CDK12: variants seen among roughly 807,000 people sequenced by gnomAD.
CDK12 encodes cyclin dependent kinase 12, also known as cyclin-dependent kinase 12.
A neutral mutation model predicts 133.8 loss-of-function variants in CDK12; 17 were observed. The ratio of observed to expected loss-of-function variants is 0.13; its 90% CI spans 0.09 to 0.19. The LOEUF (loss-of-function observed/expected upper bound fraction) is 0.19. Among genes scored for constraint, CDK12 ranks in the 10% least tolerant of loss-of-function variants. The pLI is 1.00. For missense variants in CDK12, 1,508 were observed against 1,818.7 expected (o/e 0.83, Z 3.11); for synonymous variants, 694 against 683.6 (o/e 1.02, Z -0.24).
At chr17:39,486,749 C>T (rs2051163604) in intron 2 of CDK12, among the ~76,000 whole-genome samples, 1 of 152,022 alleles carries the variant, frequency 6.6e-6, no homozygotes, top group South Asian at 2.1e-4. Context: ...TGGCTCATGT[C>T]TGTAATCCCA....
chr17:39,546,408 T>A (rs1424008261), upstream of CDK12, among the ~76,000 whole-genome samples: 2 of 151,690 alleles, frequency 1.3e-5, no homozygotes, highest in South Asian at 2.1e-4. Flanking sequence ...ATGGTCTCGA[T>A]CTCTTGACCT....
rs189445465 is a variant in CDK12 at position 39,513,993 on chromosome 17, G to T, written c.2769-1738G>T. 7.3e-4 allele frequency among the ~76,000 whole-genome samples: 111 copies of T among 152,014 alleles called. 1 individual carries two copies. The highest frequency in any genetic ancestry group is 3.4e-3 in the Middle Eastern group (1 of 294). Reference sequence around the variant, plus strand: ...TTTTTAAATGTCTCTGATTTTACCCGCTGTGACGACAACATTGCACTTAGA... The same window carrying T: ...TTTTTAAATGTCTCTGATTTTACCCTCTGTGACGACAACATTGCACTTAGA... On this transcript the variant is annotated intron_variant, in intron 8 of 13. Coordinates refer to ENST00000447079, the MANE Select transcript of CDK12 (RefSeq NM_016507.4).
downstream of CDK12, among the ~76,000 whole-genome samples, chr17:39,536,345 A>G (rs1170293900): frequency 2.0e-5 from 3 of 152,202 alleles, no homozygotes; most frequent in East Asian, 1.9e-4. Flanking sequence ...ACAAATGTCT[A>G]TCTGGATCCT....
chr17:39,525,060 A>G (rs1192091917), intron 12 of CDK12, among the ~76,000 whole-genome samples, 175 bp downstream of exon 12: 1 of 152,224 alleles, frequency 6.6e-6, no homozygotes, highest in Non-Finnish European at 1.5e-5. Context: ...AGTTTCGTAC[A>G]TATGGTCCAG....
At chr17:39,555,463 CAGA>C (rs1597712840) in intron 2 of CDK12, among the ~76,000 whole-genome samples, 1 of 151,932 alleles carries the variant, frequency 6.6e-6, no homozygotes, top group East Asian at 1.9e-4. Context: ...AGAAAAAGGA[CAGA>C]AGATTAGCCA....
chr17:39,463,732 A>G (rs1354578771), intron 1 of CDK12, among the ~76,000 whole-genome samples: 1 of 151,822 alleles, frequency 6.6e-6, no homozygotes, highest in Non-Finnish European at 1.5e-5. Flanking sequence ...TCCAAGGACA[A>G]TTTGGTTTTC....
At chr17:39,502,373 T>A (rs1214216217) in intron 6 of CDK12, among the ~76,000 whole-genome samples, 1 of 152,050 alleles carries the variant, frequency 6.6e-6, no homozygotes, top group Non-Finnish European at 1.5e-5. Flanking sequence ...CAGGATGGTC[T>A]CTATCTCCTG....
intron 4 of CDK12, among the ~76,000 whole-genome samples, chr17:39,493,953 G>A (rs2051855899): frequency 6.6e-6 from 1 of 152,014 alleles, no homozygotes; most frequent in Admixed American, 6.6e-5. Flanking sequence ...CGGAGATCGC[G>A]CCAGTGCCCT....
At chr17:39,529,559 A>G (rs1262561247) in intron 13 of CDK12, among the ~76,000 whole-genome samples, 1 of 152,170 alleles carries the variant, frequency 6.6e-6, no homozygotes, top group Middle Eastern at 3.4e-3. Context: ...TTCTAAAGGC[A>G]TTGTTCTACC....
chr17:39,489,748 TC>T (rs2051429150), intron 2 of CDK12, among the ~76,000 whole-genome samples: 2 of 151,006 alleles, frequency 1.3e-5, no homozygotes, highest in Non-Finnish European at 2.9e-5. Context: ...CGCCTCAGCC[TC>T]CCAAAGTGCT....
At position 39,462,439 on chromosome 17, in the gene CDK12, T is replaced by C. The variant is rs1248007674; in HGVS notation, c.368T>C (p.Leu123Pro). The change falls in exon 1 of 14, where the codon CTA (leucine) becomes CCA (proline). Residue 123 changes from leucine to proline, a missense_variant. By Grantham distance (98) the Leu-to-Pro change is moderately conservative. Around this residue, in one of 9 missense-constraint regions of CDK12, gnomAD observed 460 missense variants for 490.8 expected, o/e 0.94. Coordinates refer to ENST00000447079, the MANE Select transcript of CDK12 (RefSeq NM_016507.4). ...CAGCACAGGCGTTCCCGGGACTTACTAAAAGCTAAACAGACCGAAAAAGAA... is the reference window on the plus strand; with the variant it reads ...CAGCACAGGCGTTCCCGGGACTTACCAAAAGCTAAACAGACCGAAAAAGAA... ...HHQHRRSRDLLKAKQTEKEKS... is the reference protein window; with the variant it reads ...HHQHRRSRDLPKAKQTEKEKS... 37 of 1,613,892 alleles carry C rather than the reference T, an allele frequency of 2.3e-5. No homozygotes were observed. The highest frequency in any genetic ancestry group is 3.1e-5 in the Non-Finnish European group (37 of 1,180,020).
rs573732534 is a variant in CDK12, at chr17:39,486,865, G to A, written c.1932-3692G>A. Among the ~76,000 whole-genome samples, 41 of 152,076 alleles carry A rather than the reference G, an allele frequency of 2.7e-4. No individual in the cohort carries two copies. The South Asian group carries it at 2.7e-3, about 10-fold the overall frequency. ...CTACTAAAAATACAAAAAACTAGCC[G>A]GGCGTAGTGGCACACGCCTGTAGTC... On this transcript the variant is annotated intron_variant, in intron 2 of 13. Coordinates refer to ENST00000447079, the MANE Select transcript of CDK12 (RefSeq NM_016507.4).
At position 39,462,139 on chromosome 17, in the gene CDK12, C is replaced by G; in HGVS notation, c.68C>G (p.Pro23Arg). ...GSGGASGTLQPSSGGGSSNSR... is the reference protein window; with the variant it reads ...GSGGASGTLQRSSGGGSSNSR... ...GGAGGAGCTTCTGGAACTTTGCAGC[C>G]GTCATCGGGAGGCGGCAGCTCTAAC... is the stretch of plus-strand genomic sequence containing the variant. Residue 23 changes from proline to arginine, a missense_variant, in exon 1 of 14, where the codon CCG (proline) becomes CGG (arginine). Around this residue, in one of 9 missense-constraint regions of CDK12, gnomAD observed 460 missense variants for 490.8 expected, o/e 0.94. Transcript: ENST00000447079. The G allele has an allele frequency of 6.2e-7, 1 of 1,614,162 alleles. No individual in the cohort carries two copies. Among genetic ancestry groups the G allele is most frequent in the Non-Finnish European group, 8.5e-7 (1 of 1,180,014 alleles).
chr17:39,507,491 T>C (rs1440769649), intron 6 of CDK12, among the ~76,000 whole-genome samples: 1 of 151,214 alleles, frequency 6.6e-6, no homozygotes, highest in Non-Finnish European at 1.5e-5. Context: ...GAGGCAGAGG[T>C]TGTAGTGAGC....
chr17:39,501,168 A>C (rs747015830), intron 5 of CDK12, 82 bp from the exon 6 acceptor site: 6 of 1,043,268 alleles, frequency 5.8e-6, no homozygotes, highest in Non-Finnish European at 8.1e-6. Flanking sequence ...GTCAACTCCA[A>C]AATTATATTA....
chr17:39,466,054 C>T (rs1029218278), intron 1 of CDK12, among the ~76,000 whole-genome samples: 1 of 152,006 alleles, frequency 6.6e-6, no homozygotes, highest in Non-Finnish European at 1.5e-5. Context: ...TGCCTATAAT[C>T]CCAAGCACTT....
At chr17:39,520,922 G>A (rs1177272281) in intron 11 of CDK12, among the ~76,000 whole-genome samples, 15 of 151,910 alleles carry the variant, frequency 9.9e-5, no homozygotes, top group African/African-American at 3.1e-4. Flanking sequence ...ATCTCAGCTC[G>A]CCGCAACCTC....
At chr17:39,497,044 C>T (rs2052180885) in intron 5 of CDK12, among the ~76,000 whole-genome samples, 1 of 151,418 alleles carries the variant, frequency 6.6e-6, no homozygotes, top group Non-Finnish European at 1.5e-5. Context: ...GATTCTCCTG[C>T]CTCAGCCTTT....
upstream of CDK12, chr17:39,546,318 T>G (rs1304427049): frequency 2.0e-5 from 3 of 151,392 alleles, no homozygotes; most frequent in East Asian, 5.9e-4. Flanking sequence ...TAGCTGGGAT[T>G]ACAGGCGCCC....
Sources: allele counts gnomAD v4.1 joint callset (sites outside exome capture counted in the v4.1 genomes callset), GRCh38; gene constraint gnomAD v4.1.1; regional missense constraint gnomAD v4.1.1; transcripts MANE v1.5; gene names NCBI Gene and HGNC (gene_info 2026-07-23, HGNC 2026-07-21).